Variants in CAMTA1 observed in about 807,000 individuals in gnomAD.
The protein encoded by CAMTA1 is calmodulin-binding transcription activator 1.
In CAMTA1, 27 loss-of-function variants were observed where a neutral mutation model predicts 170.9. The observed-to-expected ratio is 0.16, with a 90% CI of 0.12 to 0.22. The LOEUF (loss-of-function observed/expected upper bound fraction) is 0.22. Ranked by LOEUF, CAMTA1 falls within the 10% of genes least tolerant of loss-of-function variation. The probability of loss-of-function intolerance (pLI) is 1.00; values close to 1 mark genes in which losing one functional copy is unlikely to be tolerated. For synonymous variants in CAMTA1, 833 were observed against 891.5 expected (o/e 0.93, Z 1.17); for missense variants, 1,619 against 2,217.2 (o/e 0.73, Z 5.42).
In CAMTA1 at chr1:7,144,087, G is replaced by A. The variant is rs1486545720; in HGVS notation, c.302+52716G>A. The stretch of plus-strand genomic sequence containing the variant: ...GCCGTAACAAAATACCACAGACTGG[G>A]TGGCTTAAACAACAGACATTTATTT... On this transcript the variant is annotated intron_variant, in intron 4 of 22. Transcript: ENST00000303635. This position sits in a 1 kb window ranked among gnomAD's most constrained non-coding sequence, Gnocchi z 4.0. Among the ~76,000 whole-genome samples the A allele has an allele frequency of 1.3e-5, 2 of 152,182 alleles. No homozygotes were observed. Among genetic ancestry groups the A allele is most frequent in the East Asian group, 1.9e-4 (1 of 5,194 alleles).
chr1:7,655,439 C>T (rs1200026299), intron 7 of CAMTA1, among the ~76,000 whole-genome samples: 2 of 143,290 alleles, frequency 1.4e-5, no homozygotes, highest in African/African-American at 2.6e-5. Context: ...CATACACAAC[C>T]TATACACACA....
chr1:7,081,349 A>G (rs1162881773), intron 3 of CAMTA1, among the ~76,000 whole-genome samples: 2 of 152,228 alleles, frequency 1.3e-5, no homozygotes, highest in Admixed American at 6.5e-5. Flanking sequence ...AAGGAGAAAT[A>G]TGTACAGGGT....
intron 6 of CAMTA1, among the ~76,000 whole-genome samples, chr1:7,632,902 T>G (rs2095681701): frequency 6.6e-6 from 1 of 152,238 alleles, no homozygotes; most frequent in South Asian, 2.1e-4. Flanking sequence ...AGCTCCCCTC[T>G]GCAGCCTGGA....
In CAMTA1 at chr1:7,041,545, C is replaced by T. The variant is rs1035942381; in HGVS notation, c.235-49759C>T. ...AACTCTTACGAAATTAAGCATAATG[C>T]GAAAACATGCTGAAAAGACAGTTCT... On this transcript the variant is annotated intron_variant, in intron 3 of 22. Coordinates refer to ENST00000303635, the MANE Select transcript of CAMTA1 (RefSeq NM_015215.4). This position sits in a 1 kb window ranked among gnomAD's most constrained non-coding sequence, Gnocchi z 5.1. Among the ~76,000 whole-genome samples the T allele has an allele frequency of 7.2e-5, 11 of 152,104 alleles. No individual in the cohort carries two copies. The highest frequency in any genetic ancestry group is 4.4e-5 in the Non-Finnish European group (3 of 68,026).
At chr1:7,752,242 A>G (rs1003686775) in intron 20 of CAMTA1, among the ~76,000 whole-genome samples, 1 of 152,166 alleles carries the variant, frequency 6.6e-6, no homozygotes, top group African/African-American at 2.4e-5. Flanking sequence ...GAGAGCGCCT[A>G]TACACACCCT....
chr1:7,569,648 C>A (rs555756131), intron 6 of CAMTA1, among the ~76,000 whole-genome samples: 1 of 151,082 alleles, frequency 6.6e-6, no homozygotes, highest in East Asian at 1.9e-4. Context: ...ATCACTATCA[C>A]CATCATCATA....
At chr1:7,403,101 C>G (rs1224800352) in intron 5 of CAMTA1, among the ~76,000 whole-genome samples, 2 of 152,032 alleles carry the variant, frequency 1.3e-5, no homozygotes, top group Non-Finnish European at 2.9e-5. Flanking sequence ...GCCTATAATC[C>G]CAGCACCTTG....
intron 11 of CAMTA1, among the ~76,000 whole-genome samples, chr1:7,699,641 T>G (rs79796330): frequency 0.065 from 9,968 of 152,302 alleles, 369 homozygotes; most frequent in Non-Finnish European, 0.086. Flanking sequence ...ACCACCAGTG[T>G]ACAAAAGTTC....
At chr1:6,920,617 C>T (rs985568710) in intron 3 of CAMTA1, among the ~76,000 whole-genome samples, 3 of 152,210 alleles carry the variant, frequency 2.0e-5, no homozygotes, top group African/African-American at 7.2e-5. Context: ...TGTGAGGGTC[C>T]CACCCCTGCA....
rs1677971077 is a variant in CAMTA1, at chr1:6,904,748, T to C, written c.234+79538T>C. Among the ~76,000 whole-genome samples the C allele has an allele frequency of 2.1e-5, 3 of 141,942 alleles. No individual in the cohort carries two copies. In the South Asian group the frequency reaches 6.9e-4, roughly 33 times the overall value. 93.1% of individuals were successfully genotyped at this position (141,942 alleles called of 152,430 possible). A position where few individuals can be genotyped will look rare whatever the true frequency, so the allele number is the denominator to read the frequency against. ...TGCCCAGCTAATTTTTTTTTTTTTT[T>C]TTTTTTTTTTTTTTTTTAATTTTTG... On this transcript the variant is annotated intron_variant, in intron 3 of 22. Coordinates refer to ENST00000303635, the MANE Select transcript of CAMTA1 (RefSeq NM_015215.4).
intron 5 of CAMTA1, among the ~76,000 whole-genome samples, chr1:7,279,650 G>C (rs754877040): frequency 6.6e-6 from 1 of 152,128 alleles, no homozygotes; most frequent in African/African-American, 2.4e-5. Flanking sequence ...GACCCCATGC[G>C]GCACCGTGCC....
At chr1:7,462,550 C>T (rs1054531011) in intron 5 of CAMTA1, among the ~76,000 whole-genome samples, 1 of 152,176 alleles carries the variant, frequency 6.6e-6, no homozygotes, top group Non-Finnish European at 1.5e-5. Context: ...CCACCACACC[C>T]GGCCTAACTA....
chr1:7,516,674 A>C, intron 6 of CAMTA1, among the ~76,000 whole-genome samples: 1 of 152,214 alleles, frequency 6.6e-6, no homozygotes, highest in East Asian at 1.9e-4. Flanking sequence ...CACAGAAAAG[A>C]GGAAGGGACT....
chr1:7,744,591 C>T (rs1257957863), intron 16 of CAMTA1, among the ~76,000 whole-genome samples: 2 of 152,132 alleles, frequency 1.3e-5, no homozygotes, highest in African/African-American at 4.8e-5. Context: ...CAGAAGTTCT[C>T]CAAGACTGGA....
intron 3 of CAMTA1, among the ~76,000 whole-genome samples, chr1:6,878,665 G>A (rs1670612345): frequency 6.6e-6 from 1 of 152,160 alleles, no homozygotes; most frequent in Non-Finnish European, 1.5e-5. Context: ...TCCAGGAACC[G>A]CTCCCCCAAG....
At chr1:7,371,070 C>T (rs900191697) in intron 5 of CAMTA1, among the ~76,000 whole-genome samples, 44 of 151,484 alleles carry the variant, frequency 2.9e-4, no homozygotes, top group Non-Finnish European at 5.3e-4. Flanking sequence ...CACTACCACG[C>T]GCAGGTAATT....
chr1:7,684,244 C>T (rs559971278), intron 11 of CAMTA1, among the ~76,000 whole-genome samples: 30 of 152,332 alleles, frequency 2.0e-4, no homozygotes, highest in African/African-American at 6.7e-4. Flanking sequence ...CCCCAGGACT[C>T]GGGCAGATGC....
At chr1:7,167,296 G>C (rs900314996) in intron 4 of CAMTA1, among the ~76,000 whole-genome samples, 1 of 151,874 alleles carries the variant, frequency 6.6e-6, no homozygotes, top group African/African-American at 2.4e-5. Flanking sequence ...TTCCGTGTTG[G>C]AAAGAGGTGT....
chr1:7,698,829 G>T (rs1478512896), intron 11 of CAMTA1: 2 of 152,134 alleles, frequency 1.3e-5, no homozygotes, highest in Non-Finnish European at 2.9e-5. Flanking sequence ...GACATCTTCT[G>T]CCCTGGGCAT....
Sources: allele counts gnomAD v4.1 joint callset (sites outside exome capture counted in the v4.1 genomes callset), GRCh38; gene constraint gnomAD v4.1.1; non-coding constraint Gnocchi (gnomAD v3.1); transcripts MANE v1.5; gene names NCBI Gene and HGNC (gene_info 2026-07-23, HGNC 2026-07-21).